Variants in PTPRN2 observed in about 807,000 individuals in gnomAD.
PTPRN2 encodes the protein receptor-type tyrosine-protein phosphatase N2.
A neutral mutation model predicts 118.8 loss-of-function variants in PTPRN2; 74 were observed. The observed-to-expected ratio is 0.62, with a 90% CI of 0.52 to 0.76. PTPRN2 has a LOEUF of 0.76. Among genes scored for constraint, PTPRN2 ranks in the 30% least tolerant of loss-of-function variants. The pLI, the probability that PTPRN2 is intolerant of heterozygous loss-of-function variation, is 0.00. For missense variants in PTPRN2, 1,481 were observed against 1,394.4 expected, an observed-to-expected ratio of 1.06 and a Z score of -0.99; for synonymous variants, 641 against 608.0, an observed-to-expected ratio of 1.05 and a Z score of -0.80.
At chr7:158,088,770 G>A (rs1284385326) in intron 10 of PTPRN2, among the ~76,000 whole-genome samples, 1 of 14,462 alleles carries the variant, frequency 6.9e-5, no homozygotes, top group African/African-American at 1.4e-4. Context: ...TTCTTCCCCT[G>A]ATGAAGGAGG....
intron 12 of PTPRN2, among the ~76,000 whole-genome samples, chr7:157,782,325 T>G (rs1803729348): frequency 1.3e-5 from 2 of 152,340 alleles, no homozygotes; most frequent in African/African-American, 4.8e-5. Flanking sequence ...CGAGAATTAA[T>G]GGGGCCCCGG....
intron 7 of PTPRN2, 72 bp downstream of exon 7, chr7:158,138,222 T>C: frequency 2.2e-6 from 3 of 1,373,160 alleles, no homozygotes; most frequent in Non-Finnish European, 3.0e-6. Flanking sequence ...GAGCCAGCAG[T>C]CTCTGCACAG....
chr7:157,614,183 CT>C (rs1237818972), intron 15 of PTPRN2: 2 of 457,692 alleles, frequency 4.4e-6, no homozygotes, highest in Non-Finnish European at 9.0e-6. Context: ...CAGGGTGGAG[CT>C]CAGGGCCAAG....
At chr7:158,306,216 G>C (rs1801272471) in intron 3 of PTPRN2, among the ~76,000 whole-genome samples, 1 of 152,240 alleles carries the variant, frequency 6.6e-6, no homozygotes, top group Admixed American at 6.5e-5. Flanking sequence ...AGGCTAACCA[G>C]AAAGCTTGAA....
intron 10 of PTPRN2, among the ~76,000 whole-genome samples, chr7:158,106,656 G>T (rs1815708973): frequency 6.6e-6 from 1 of 152,182 alleles, no homozygotes; most frequent in African/African-American, 2.4e-5. Context: ...GTCTGCCCTT[G>T]GGGATATAAC....
intron 2 of PTPRN2, among the ~76,000 whole-genome samples, chr7:158,418,454 C>A (rs542452594): frequency 6.7e-6 from 1 of 149,860 alleles, no homozygotes; most frequent in Non-Finnish European, 1.5e-5. Context: ...CTCAGTGTCC[C>A]GCTGTGTTAA....
intron 12 of PTPRN2, among the ~76,000 whole-genome samples, chr7:157,724,842 G>A (rs1749192635): frequency 6.6e-6 from 1 of 152,164 alleles, no homozygotes; most frequent in Non-Finnish European, 1.5e-5. Context: ...GTGTATTGTT[G>A]AGTCTGCTTT....
rs562074531 is a variant in PTPRN2, at chr7:158,440,630, TG to T, written c.163+49104del. ...GTAATACTGGTGATGGAGGTGGTCG[TG>T]GTGATGATGGTGGCAGTAGTGATGG... is the stretch of plus-strand genomic sequence containing the variant. On this transcript the variant is annotated intron_variant, in intron 2 of 22. Transcript: ENST00000389418. Among the ~76,000 whole-genome samples the T allele has an allele frequency of 2.0e-3, 297 of 146,212 alleles. 7 individuals are homozygous for T. The highest frequency in any genetic ancestry group is 7.4e-3 in the African/African-American group (284 of 38,230).
At position 158,334,933 on chromosome 7, in the gene PTPRN2, G is replaced by A. The variant is rs1473194460; in HGVS notation, c.164-18001C>T. On this transcript the variant is annotated intron_variant, in intron 2 of 22. Coordinates refer to ENST00000389418, the MANE Select transcript of PTPRN2 (RefSeq NM_002847.5). ...CCACACTCTCACCATAAGCGCTGTC[G>A]TCCGGAGGCGTCACTCACACCCACA... is the stretch of plus-strand genomic sequence containing the variant. Among the ~76,000 whole-genome samples, 3 of 11,448 alleles carry A rather than the reference G, an allele frequency of 2.6e-4. 1 individual carries two copies. The highest frequency in any genetic ancestry group is 5.8e-4 in the Non-Finnish European group (2 of 3,460). 7.5% of individuals were successfully genotyped at this position (11,448 alleles called of 152,430 possible).
In PTPRN2 at chr7:157,861,410, C is replaced by T. The variant is rs1194329440; in HGVS notation, c.1788+37263G>A. On this transcript the variant is annotated intron_variant, in intron 12 of 22. Coordinates refer to ENST00000389418, the MANE Select transcript of PTPRN2 (RefSeq NM_002847.5). The surrounding 1 kb of genome is among the most constrained non-coding windows in gnomAD (Gnocchi z 5.8). ...GTGGGCAGTGGCTTCTGTGTTTTGC[C>T]GTCGAGGTGCAACATGCAGCTGGTG... Among the ~76,000 whole-genome samples, 1 of 152,214 alleles carries T rather than the reference C, an allele frequency of 6.6e-6. No homozygotes were observed. Among genetic ancestry groups the T allele is most frequent in the Admixed American group, 6.5e-5 (1 of 15,284 alleles).
At chr7:158,441,180 GTGGTGGTGATAGTGATGGTGA>G (rs1357155599) in intron 2 of PTPRN2, among the ~76,000 whole-genome samples, 1 of 149,656 alleles carries the variant, frequency 6.7e-6, no homozygotes, top group Non-Finnish European at 1.5e-5. Flanking sequence ...AGTGGTGGCA[GTGGTGGTGATAGTGATGGTGA>G]TGGTGGTGGT....
intron 12 of PTPRN2, among the ~76,000 whole-genome samples, chr7:157,817,636 C>A (rs914277660): frequency 2.0e-5 from 3 of 152,246 alleles, no homozygotes; most frequent in African/African-American, 7.2e-5. Context: ...ACCCGACCTG[C>A]ACAAAGCAGC....
Position 157,604,020 on chromosome 7 carries a change from G to A in PTPRN2, c.2400C>T (p.Tyr800=). The A allele has an allele frequency of 1.2e-6, 2 of 1,614,002 alleles. No homozygotes were observed. Among genetic ancestry groups the A allele is most frequent in the Non-Finnish European group, 1.7e-6 (2 of 1,180,004 alleles). Residue 800 remains tyrosine (Y), a synonymous_variant, in exon 16 of 23, where the codon TAC becomes TAT. Transcript: ENST00000389418. Reference sequence around the variant, plus strand: ...CACTTACGATGGGGCTAGCGTTGATGTAGTCTGAGTGGCTGTGGCTGTTCT... The same window carrying A: ...CACTTACGATGGGGCTAGCGTTGATATAGTCTGAGTGGCTGTGGCTGTTCT... The part of the protein sequence containing the change: ...KAENSHSHSD[Y]INASPIMDHD...
chr7:157,968,813 G>T (rs1802120669), intron 11 of PTPRN2, among the ~76,000 whole-genome samples: 1 of 152,144 alleles, frequency 6.6e-6, no homozygotes, highest in Non-Finnish European at 1.5e-5. Context: ...AAAAAAGAGT[G>T]AGAGAAAAAA....
intron 14 of PTPRN2, among the ~76,000 whole-genome samples, chr7:157,640,716 G>A (rs376658898): frequency 2.2e-4 from 33 of 152,288 alleles, no homozygotes; most frequent in Non-Finnish European, 3.5e-4. Context: ...ACCACCATCC[G>A]ACCAGCAACA....
intron 11 of PTPRN2, among the ~76,000 whole-genome samples, chr7:158,054,277 G>C (rs1311741836): frequency 6.6e-6 from 1 of 152,192 alleles, no homozygotes; most frequent in African/African-American, 2.4e-5. Context: ...TGCGTGGGCC[G>C]ATTCGACTGT....
At chr7:158,413,848 T>A (rs976668256) in intron 2 of PTPRN2, among the ~76,000 whole-genome samples, 1 of 152,034 alleles carries the variant, frequency 6.6e-6, no homozygotes, top group Non-Finnish European at 1.5e-5. Context: ...CCCTTAAACA[T>A]GGAGGCAAGG....
intron 11 of PTPRN2, among the ~76,000 whole-genome samples, chr7:158,002,970 A>G (rs1387823038): frequency 6.6e-6 from 1 of 152,176 alleles, no homozygotes; most frequent in Non-Finnish European, 1.5e-5. Flanking sequence ...GGGGTCTGCT[A>G]CAGGCCGCTT....
At chr7:157,875,059 A>G (rs1214531190) in intron 12 of PTPRN2, among the ~76,000 whole-genome samples, 1 of 152,010 alleles carries the variant, frequency 6.6e-6, no homozygotes, top group East Asian at 1.9e-4. Flanking sequence ...ACACAGACAC[A>G]CACACACACA....
Sources: allele counts gnomAD v4.1 joint callset (sites outside exome capture counted in the v4.1 genomes callset), GRCh38; gene constraint gnomAD v4.1.1; non-coding constraint Gnocchi (gnomAD v3.1); transcripts MANE v1.5; gene names NCBI Gene and HGNC (gene_info 2026-07-23, HGNC 2026-07-21).